The following RBMS3 variants were observed in gnomAD, a reference collection of about 807,000 sequenced individuals.
RBMS3 encodes RNA binding motif single stranded interacting protein 3.
RBMS3 carries 27 observed loss-of-function variants against 66.8 expected under a neutral mutation model. The ratio of observed to expected loss-of-function variants is 0.40; its 90% CI spans 0.30 to 0.56. The LOEUF is 0.56. Among genes scored for constraint, RBMS3 ranks in the 20% least tolerant of loss-of-function variants. The pLI is 0.40. For missense variants in RBMS3, 513 were observed against 549.5 expected (o/e 0.93, Z 0.66); for synonymous variants, 188 against 183.0 (o/e 1.03, Z -0.22).
chr3:29,936,006 T>TATTTATTTAAAA, intron 10 of RBMS3, 80 bp from the exon 11 acceptor site: 1 of 1,161,988 alleles, frequency 8.6e-7, no homozygotes, highest in Non-Finnish European at 1.2e-6. Context: ...TTCACACATT[T>TATTTATTTAAAA]ACAATTTACA....
At chr3:29,854,698 A>C (rs1345701748) in intron 6 of RBMS3, among the ~76,000 whole-genome samples, 1 of 152,226 alleles carries the variant, frequency 6.6e-6, no homozygotes, top group Non-Finnish European at 1.5e-5. Flanking sequence ...CAAATTTGAC[A>C]GGGTCTCTCA....
intron 1 of RBMS3, among the ~76,000 whole-genome samples, chr3:29,419,770 G>T (rs938765246): frequency 6.6e-6 from 1 of 152,188 alleles, no homozygotes; most frequent in African/African-American, 2.4e-5. Context: ...CGATGCATAT[G>T]TAAGTTTGTG....
intron 14 of RBMS3, among the ~76,000 whole-genome samples, chr3:30,000,111 T>C (rs1699517388): frequency 1.3e-5 from 2 of 152,020 alleles, no homozygotes; most frequent in South Asian, 4.1e-4. Context: ...ACAGGCAACG[T>C]ACAGAATGGG....
At chr3:29,638,899 G>A (rs375755815) in intron 4 of RBMS3, among the ~76,000 whole-genome samples, 7 of 151,636 alleles carry the variant, frequency 4.6e-5, no homozygotes, top group African/African-American at 1.5e-4. Context: ...AATGTATATC[G>A]CTGTAAATTA....
intron 4 of RBMS3, among the ~76,000 whole-genome samples, chr3:29,720,464 G>A (rs889259662): frequency 6.6e-6 from 1 of 152,082 alleles, no homozygotes; most frequent in Non-Finnish European, 1.5e-5. Context: ...AACTGACAGT[G>A]AAATAAAAAC....
At chr3:29,827,631 C>T (rs1288830027) in intron 6 of RBMS3, among the ~76,000 whole-genome samples, 1 of 152,094 alleles carries the variant, frequency 6.6e-6, no homozygotes, top group Non-Finnish European at 1.5e-5. Context: ...CCCTCAATTC[C>T]ATGTTGTGTT....
In RBMS3 at chr3:29,721,402, C is replaced by T. The variant is rs116323996; in HGVS notation, c.400-18318C>T. ...TTAAATATGTATTTTTTTCTTTCCT[C>T]GTAAGTGGTCTAATACTAGGGTATA... On this transcript the variant is annotated intron_variant, in intron 4 of 14. Transcript: ENST00000383767. 6.6e-3 allele frequency among the ~76,000 whole-genome samples: 999 copies of T among 152,036 alleles called. 10 individuals are homozygous for T. Among genetic ancestry groups the T allele is most frequent in the African/African-American group, 0.023 (953 of 41,470 alleles).
chr3:29,757,708 A>G (rs1420602120), intron 5 of RBMS3, among the ~76,000 whole-genome samples: 3 of 152,234 alleles, frequency 2.0e-5, no homozygotes, highest in Non-Finnish European at 4.4e-5. Context: ...TTACCTTCAC[A>G]TAGAAGCCAT....
intron 4 of RBMS3, among the ~76,000 whole-genome samples, chr3:29,680,549 A>C (rs1245816477): frequency 6.6e-6 from 1 of 152,222 alleles, no homozygotes; most frequent in Non-Finnish European, 1.5e-5. Context: ...AGAAGAAAGC[A>C]AGAGAAAGAC....
At chr3:29,303,754 CTT>C (rs1039118307) in intron 1 of RBMS3, among the ~76,000 whole-genome samples, 3 of 151,972 alleles carry the variant, frequency 2.0e-5, no homozygotes, top group East Asian at 3.9e-4. Context: ...TAGAGAAACT[CTT>C]TTCATAGCAT....
At chr3:29,504,596 C>T (rs2044110041) in intron 3 of RBMS3, among the ~76,000 whole-genome samples, 1 of 151,998 alleles carries the variant, frequency 6.6e-6, no homozygotes, top group African/African-American at 2.4e-5. Flanking sequence ...CTATTCCCTT[C>T]AGATGTGTAC....
In RBMS3 at chr3:29,404,315, G is replaced by A. The variant is rs2039927176; in HGVS notation, c.76-30428G>A. The stretch of plus-strand genomic sequence containing the variant: ...TCTGCTATTTGTTTTTGGGACAGTG[G>A]TTTACCCTTCTTTTCCCCATTTATA... On this transcript the variant is annotated intron_variant, in intron 1 of 14. Transcript: ENST00000383767. 2.6e-5 allele frequency among the ~76,000 whole-genome samples: 4 copies of A among 152,164 alleles called. No homozygotes were observed. The South Asian group carries it at 6.2e-4, about 24-fold the overall frequency.
At chr3:29,371,283 G>A (rs376243108) in intron 1 of RBMS3, among the ~76,000 whole-genome samples, 2 of 152,228 alleles carry the variant, frequency 1.3e-5, no homozygotes, top group East Asian at 1.9e-4. Context: ...GCAGGTACAA[G>A]CCAATAAGTT....
At chr3:29,948,915 A>G (rs1188274672) in intron 12 of RBMS3, among the ~76,000 whole-genome samples, 4 of 151,902 alleles carry the variant, frequency 2.6e-5, no homozygotes, top group African/African-American at 9.6e-5. Context: ...GTAAAAGGTT[A>G]TAAAGAAATG....
In RBMS3 at chr3:29,492,845, C is replaced by T. The variant is rs542655381; in HGVS notation, c.307+4346C>T. ...GCAATATGCAGTGATAGTTTATAAC[C>T]CCTGAAGTAGCAAACATTATAACAT... is the stretch of plus-strand genomic sequence containing the variant. On this transcript the variant is annotated intron_variant, in intron 3 of 14. Transcript: ENST00000383767. 4.6e-5 allele frequency among the ~76,000 whole-genome samples: 7 copies of T among 152,254 alleles called. No individual in the cohort carries two copies. In the South Asian group the frequency reaches 1.0e-3, roughly 23 times the overall value.
chr3:29,315,134 A>G (rs1487247356), intron 1 of RBMS3, among the ~76,000 whole-genome samples: 3 of 151,850 alleles, frequency 2.0e-5, no homozygotes, highest in African/African-American at 7.2e-5. Flanking sequence ...AAAACAATCT[A>G]GCATTATTTA....
chr3:29,556,939 G>A (rs79757367), intron 3 of RBMS3, among the ~76,000 whole-genome samples: 3,575 of 152,168 alleles, frequency 0.023, 63 homozygotes, highest in Non-Finnish European at 0.037. Context: ...GAGGTATGAC[G>A]TACACTCCAC....
At position 29,356,557 on chromosome 3, in the gene RBMS3, A is replaced by G. The variant is rs1371771807; in HGVS notation, c.75+74801A>G. 2.6e-5 allele frequency among the ~76,000 whole-genome samples: 4 copies of G among 151,288 alleles called. No individual in the cohort carries two copies. The South Asian group carries it at 6.3e-4, about 24-fold the overall frequency. ...CTTTCATTCTATTAAATAAGCATTCATGATTATCCTAAACATTCTTGCCAA... is the reference window on the plus strand; with the variant it reads ...CTTTCATTCTATTAAATAAGCATTCGTGATTATCCTAAACATTCTTGCCAA... On this transcript the variant is annotated intron_variant, in intron 1 of 14. Transcript: ENST00000383767.
At chr3:29,416,467 G>T (rs1559343665) in intron 1 of RBMS3, among the ~76,000 whole-genome samples, 1 of 152,102 alleles carries the variant, frequency 6.6e-6, no homozygotes. Flanking sequence ...CATGGATTTG[G>T]AAAATTTGTA....
Sources: gnomAD v4.1 joint callset for allele counts (sites outside exome capture counted in the v4.1 genomes callset) on GRCh38, gnomAD v4.1.1 for gene constraint, MANE v1.5 for transcripts, NCBI Gene and HGNC (gene_info 2026-07-23, HGNC 2026-07-21) for gene names.